Variants in VPS13B observed in about 807,000 individuals in gnomAD.
The protein encoded by VPS13B is vacuolar protein sorting 13 homolog B, also known as intermembrane lipid transfer protein VPS13B.
VPS13B carries 285 observed loss-of-function variants against 426.4 expected under a neutral mutation model. The ratio of observed to expected loss-of-function variants is 0.67; its 90% CI spans 0.61 to 0.74. The LOEUF is 0.74. VPS13B is among the 30% of genes least tolerant of loss of function. The probability of loss-of-function intolerance (pLI) is 0.00; values close to 1 mark genes in which losing one functional copy is unlikely to be tolerated. For synonymous variants in VPS13B, 1,676 were observed against 1,676.4 expected (o/e 1.00, Z 0.01); for missense variants, 4,537 against 4,782.6 (o/e 0.95, Z 1.51).
chr8:99,799,776 T>G (rs1269031627), intron 43 of VPS13B, among the ~76,000 whole-genome samples: 1 of 152,234 alleles, frequency 6.6e-6, no homozygotes, highest in Non-Finnish European at 1.5e-5. Context: ...GAATGTTACA[T>G]CTGAGAACAG....
At chr8:99,061,398 A>G (rs894702324) in intron 3 of VPS13B, among the ~76,000 whole-genome samples, 1 of 134,770 alleles carries the variant, frequency 7.4e-6, no homozygotes, top group Non-Finnish European at 1.6e-5. Flanking sequence ...TAGTTTTTCT[A>G]TCTGACCTGA....
intron 2 of VPS13B, among the ~76,000 whole-genome samples, chr8:99,030,135 CTTTT>C (rs58542671): frequency 2.6e-5 from 2 of 75,742 alleles, no homozygotes; most frequent in African/African-American, 1.1e-4. Context: ...AAAATACATG[CTTTT>C]TTTTTTTTTT....
At chr8:99,401,172 A>G (rs368450239) in intron 21 of VPS13B, among the ~76,000 whole-genome samples, 2 of 152,112 alleles carry the variant, frequency 1.3e-5, no homozygotes, top group South Asian at 2.1e-4. Flanking sequence ...AGTCCCATCT[A>G]TTTTGCAAAG....
intron 54 of VPS13B, among the ~76,000 whole-genome samples, chr8:99,836,621 T>C (rs1352644054): frequency 6.6e-6 from 1 of 152,220 alleles, no homozygotes; most frequent in Non-Finnish European, 1.5e-5. Flanking sequence ...TATGAGTGAA[T>C]AATATTGTGC....
chr8:99,821,245 A>T, intron 49 of VPS13B, 49 bp from the exon 50 acceptor site: 2 of 1,599,034 alleles, frequency 1.3e-6, no homozygotes, highest in Middle Eastern at 3.4e-4. Flanking sequence ...GAAGTAAAAA[A>T]TATCAAAGGT....
chr8:99,442,302 C>A, intron 22 of VPS13B, 99 bp from the exon 23 acceptor site: 1 of 979,292 alleles, frequency 1.0e-6, no homozygotes, highest in Non-Finnish European at 1.6e-6. Flanking sequence ...AAATATGGAA[C>A]ATTTACTTTT....
At chr8:99,400,828 A>G (rs1432999157) in intron 21 of VPS13B, among the ~76,000 whole-genome samples, 1 of 151,988 alleles carries the variant, frequency 6.6e-6, no homozygotes, top group Non-Finnish European at 1.5e-5. Flanking sequence ...CCACCACCAC[A>G]CGTGGCTACT....
chr8:99,369,728 A>C (rs1813079837), intron 19 of VPS13B, among the ~76,000 whole-genome samples: 1 of 152,248 alleles, frequency 6.6e-6, no homozygotes, highest in Non-Finnish European at 1.5e-5. Flanking sequence ...CAATGTTGAA[A>C]CAACTAGGGT....
chr8:99,774,129 T>C (rs1811636512), intron 40 of VPS13B, among the ~76,000 whole-genome samples: 1 of 152,180 alleles, frequency 6.6e-6, no homozygotes, highest in African/African-American at 2.4e-5. Flanking sequence ...ACTATAAATG[T>C]GCTAATGTAA....
chr8:99,871,746 G>A (rs1268569010), intron 61 of VPS13B, 49 bp downstream of exon 61: 1 of 1,610,840 alleles, frequency 6.2e-7, no homozygotes, highest in African/African-American at 1.3e-5. Flanking sequence ...CAGGGAGGTT[G>A]AGGAGCAGGC....
intron 21 of VPS13B, among the ~76,000 whole-genome samples, chr8:99,429,920 A>G (rs746157274): frequency 1.6e-4 from 25 of 152,118 alleles, no homozygotes; most frequent in Non-Finnish European, 3.2e-4. Context: ...CCTGGTCCCT[A>G]TATATAGCTC....
chr8:99,483,739 C>T (rs1301564920), intron 25 of VPS13B, among the ~76,000 whole-genome samples: 1 of 152,084 alleles, frequency 6.6e-6, no homozygotes, highest in Non-Finnish European at 1.5e-5. Flanking sequence ...TTGGAGTGCT[C>T]ACTCAACTCT....
intron 17 of VPS13B, among the ~76,000 whole-genome samples, chr8:99,194,969 C>T (rs1355691618): frequency 6.6e-6 from 1 of 152,122 alleles, no homozygotes; most frequent in East Asian, 1.9e-4. Flanking sequence ...CCTCAGCCTC[C>T]CGAGTAGCTG....
intron 8 of VPS13B, among the ~76,000 whole-genome samples, chr8:99,127,388 A>T (rs1253798070): frequency 6.6e-6 from 1 of 152,200 alleles, no homozygotes; most frequent in Non-Finnish European, 1.5e-5. Flanking sequence ...TCTGATTGAT[A>T]CTTAACACAT....
rs148333124 is a variant in VPS13B, at chr8:99,818,530, G to A, written c.8441G>A (p.Arg2814Gln). ...GAACCCAACTCTCAAGTGCAACAAC[G>A]AATGGTGAGTGCTTTCCCAATCCTA... The part of the protein sequence containing the change: ...TLEPNSQVQQ[R>Q]MIVFSPLFIM... Residue 2814 changes from arginine to glutamine, a missense_variant, in exon 46 of 62, where the codon CGA (arginine) becomes CAA (glutamine). Arg to Gln is a conservative substitution (Grantham distance 43). This residue lies in a region of VPS13B where 4,311 missense variants were observed against 4,474.3 expected (regional missense o/e 0.96). Transcript: ENST00000357162. 1.2e-5 allele frequency: 19 copies of A among 1,613,824 alleles called. No homozygotes were observed. Among genetic ancestry groups the A allele is most frequent in the African/African-American group, 2.7e-5 (2 of 74,912 alleles).
chr8:99,286,947 CCTTAA>C (rs2133035114), intron 19 of VPS13B, among the ~76,000 whole-genome samples: 1 of 152,158 alleles, frequency 6.6e-6, no homozygotes, highest in South Asian at 2.1e-4. Flanking sequence ...ATTCTGTTGA[CCTTAA>C]CTTGAGTTTT....
chr8:99,384,230 A>G lies in VPS13B; in HGVS notation c.2847A>G (p.Ile949Met), dbSNP rs398124331. ...TAGGTGCTGTACTTCTTTGCAGTAT[A>G]CAAGGACTAGCAGTTAATATTGACC... is the stretch of plus-strand genomic sequence containing the variant. The part of the protein sequence containing the change: ...HNSGAVLLCS[I>M]QGLAVNIDPI... The change falls in exon 20 of 62, where the codon ATA becomes ATG. Residue 949 changes from isoleucine (I) to methionine (M), a missense_variant. This residue lies in a region of VPS13B where 4,311 missense variants were observed against 4,474.3 expected (regional missense o/e 0.96). Transcript: ENST00000357162. The G allele has an allele frequency of 7.7e-5, 125 of 1,613,982 alleles. No individual in the cohort carries two copies. The highest frequency in any genetic ancestry group is 8.6e-5 in the Non-Finnish European group (102 of 1,179,926).
intron 25 of VPS13B, among the ~76,000 whole-genome samples, chr8:99,495,947 G>A (rs983592962): frequency 6.6e-6 from 1 of 152,166 alleles, no homozygotes; most frequent in Admixed American, 6.5e-5. Context: ...TGGAGGATCA[G>A]GCAGGCAAAC....
chr8:99,167,265 T>C (rs962923466), intron 15 of VPS13B, among the ~76,000 whole-genome samples: 1 of 152,144 alleles, frequency 6.6e-6, no homozygotes, highest in African/African-American at 2.4e-5. Flanking sequence ...CTAGTTATTA[T>C]TATTCTTTCT....
Sources: gnomAD v4.1 joint callset for allele counts (sites outside exome capture counted in the v4.1 genomes callset) on GRCh38, gnomAD v4.1.1 for gene constraint, gnomAD v4.1.1 regional missense constraint, MANE v1.5 for transcripts, NCBI Gene and HGNC (gene_info 2026-07-23, HGNC 2026-07-21) for gene names.